The following MTSS1 variants were observed in gnomAD, a reference collection of about 807,000 sequenced individuals.
MTSS1 encodes the protein protein MTSS 1.
MTSS1 carries 18 observed loss-of-function variants against 79.0 expected under a neutral mutation model. The observed-to-expected ratio is 0.23, with a 90% CI of 0.16 to 0.34. The LOEUF (loss-of-function observed/expected upper bound fraction) is 0.34, where lower values mean the gene tolerates loss of function less well. Among genes scored for constraint, MTSS1 ranks in the 10% least tolerant of loss-of-function variants. MTSS1 has a pLI of 1.00. For synonymous variants in MTSS1, 341 were observed against 368.6 expected (o/e 0.93, Z 0.86); for missense variants, 815 against 986.2 (o/e 0.83, Z 2.33).
intron 3 of MTSS1, among the ~76,000 whole-genome samples, chr8:124,680,986 A>G (rs550406425): frequency 6.6e-6 from 1 of 152,228 alleles, no homozygotes; most frequent in Admixed American, 6.5e-5. Context: ...AACCACCTTT[A>G]AGCAAGTTAA....
chr8:124,627,001 C>T (rs540900628), intron 3 of MTSS1, among the ~76,000 whole-genome samples: 9 of 152,262 alleles, frequency 5.9e-5, no homozygotes, highest in Middle Eastern at 3.4e-3. Flanking sequence ...GAACCTGTCA[C>T]GCAACATTGC....
At chr8:124,629,342 G>A (rs540983467) in intron 3 of MTSS1, among the ~76,000 whole-genome samples, 17 of 151,500 alleles carry the variant, frequency 1.1e-4, no homozygotes, top group Admixed American at 9.9e-4. Context: ...GTGAAACCCA[G>A]TCTCTACTAA....
rs565036445 is a variant in MTSS1 at position 124,724,315 on chromosome 8, G to A, written c.72+3569C>T. On this transcript the variant is annotated intron_variant, in intron 1 of 13. Transcript: ENST00000518547. ...ATTTTAGGCAGAACTTAGGAAAGAG[G>A]ATAGTGATGGCAAACACAGGTGGGG... Among the ~76,000 whole-genome samples, 396 of 152,308 alleles carry A rather than the reference G, an allele frequency of 2.6e-3. 1 individual carries two copies. Among genetic ancestry groups the A allele is most frequent in the Non-Finnish European group, 2.6e-3 (179 of 68,026 alleles).
intron 3 of MTSS1, among the ~76,000 whole-genome samples, chr8:124,641,238 T>A (rs1233795675): frequency 6.6e-6 from 1 of 152,146 alleles, no homozygotes; most frequent in East Asian, 1.9e-4. Flanking sequence ...GCAGGCCCAG[T>A]GCAGGCTGGT....
At chr8:124,588,680 GT>G (rs1384437091) in intron 5 of MTSS1, among the ~76,000 whole-genome samples, 1 of 152,176 alleles carries the variant, frequency 6.6e-6, no homozygotes, top group East Asian at 1.9e-4. Flanking sequence ...AAGTATAAAT[GT>G]TTGGCATTTA....
intron 1 of MTSS1, among the ~76,000 whole-genome samples, chr8:124,718,046 A>G (rs1832354872): frequency 6.6e-6 from 1 of 151,842 alleles, no homozygotes; most frequent in African/African-American, 2.4e-5. Flanking sequence ...AAGTGAAGAA[A>G]GAAGTTTCTG....
intron 6 of MTSS1, among the ~76,000 whole-genome samples, chr8:124,584,228 C>T (rs1394748952): frequency 6.6e-6 from 1 of 152,166 alleles, no homozygotes; most frequent in African/African-American, 2.4e-5. Flanking sequence ...GCTGGGGGAT[C>T]CCAACTCGAA....
chr8:124,655,269 T>C (rs1820736004), intron 3 of MTSS1, among the ~76,000 whole-genome samples: 2 of 152,242 alleles, frequency 1.3e-5, no homozygotes, highest in Admixed American at 1.3e-4. Context: ...GCTTTTGTTC[T>C]CAAAGTCATT....
At chr8:124,583,385 G>A (rs1830366908) in intron 6 of MTSS1, among the ~76,000 whole-genome samples, 1 of 152,132 alleles carries the variant, frequency 6.6e-6, no homozygotes, top group Non-Finnish European at 1.5e-5. Flanking sequence ...TATCCTGCAG[G>A]CAGCCCGAGC....
chr8:124,571,350 T>G (rs1020018341), intron 6 of MTSS1, among the ~76,000 whole-genome samples: 3 of 152,212 alleles, frequency 2.0e-5, no homozygotes, highest in African/African-American at 7.2e-5. Flanking sequence ...ACTTAATGTG[T>G]GTATGATACG....
intron 1 of MTSS1, among the ~76,000 whole-genome samples, chr8:124,706,450 C>T (rs762399546): frequency 2.6e-5 from 4 of 152,218 alleles, no homozygotes; most frequent in African/African-American, 7.2e-5. Context: ...ACAATCCACC[C>T]GAACTCTAAA....
intron 3 of MTSS1, among the ~76,000 whole-genome samples, chr8:124,666,935 A>AAGAAGCCAG (rs1424344873): frequency 2.0e-5 from 3 of 152,196 alleles, no homozygotes; most frequent in Non-Finnish European, 4.4e-5. Flanking sequence ...GGGAGAGTTG[A>AAGAAGCCAG]AGAAGCCAGC....
chr8:124,667,559 G>A (rs149582779), intron 3 of MTSS1, among the ~76,000 whole-genome samples: 12,933 of 152,188 alleles, frequency 0.085, 709 homozygotes, highest in East Asian at 0.14. Context: ...CAGGAGAATT[G>A]CTTGAACCCG....
At position 124,563,008 on chromosome 8, in the gene MTSS1, A is replaced by G. The variant is rs2131960515; in HGVS notation, c.825-16T>C. On this transcript the variant is annotated splice_polypyrimidine_tract_variant and intron_variant, in intron 9 of 13. Coordinates refer to ENST00000518547, the MANE Select transcript of MTSS1 (RefSeq NM_014751.6). ...GTTCAGGCTGCTGTGGAGGACAAGC[A>G]GGGGTGAGGGGTGGGCACGGAAGGT... The G allele has an allele frequency of 6.3e-7, 1 of 1,588,044 alleles. No homozygotes were observed. Among genetic ancestry groups the G allele is most frequent in the South Asian group, 1.1e-5 (1 of 87,988 alleles).
chr8:124,700,824 G>A (rs1829597231), intron 2 of MTSS1, among the ~76,000 whole-genome samples: 1 of 152,142 alleles, frequency 6.6e-6, no homozygotes, highest in African/African-American at 2.4e-5. Context: ...GTAACTAAGT[G>A]TTAATTTTCA....
intron 1 of MTSS1, among the ~76,000 whole-genome samples, chr8:124,713,878 G>A (rs1831527272): frequency 6.6e-6 from 1 of 151,862 alleles, no homozygotes. Flanking sequence ...CCCCCAAGTA[G>A]CTGGGACAAC....
intron 3 of MTSS1, among the ~76,000 whole-genome samples, chr8:124,679,436 G>A (rs985327684): frequency 2.0e-5 from 3 of 152,124 alleles, no homozygotes; most frequent in African/African-American, 4.8e-5. Context: ...GTCCCATCTC[G>A]GATCAGTAAA....
rs181325534 is a variant in MTSS1 at position 124,727,025 on chromosome 8, C to G, written c.72+859G>C. 6.8e-4 allele frequency among the ~76,000 whole-genome samples: 104 copies of G among 152,316 alleles called. No individual in the cohort carries two copies. Among genetic ancestry groups the G allele is most frequent in the Admixed American group, 1.2e-3 (18 of 15,300 alleles). ...CACCAGAAAATCCACATCCGAGGATCAGGTTATCCCCAGTCCCACCCTTTG... is the reference window on the plus strand; with the variant it reads ...CACCAGAAAATCCACATCCGAGGATGAGGTTATCCCCAGTCCCACCCTTTG... On this transcript the variant is annotated intron_variant, in intron 1 of 13. Transcript: ENST00000518547. The surrounding 1 kb of genome is among the most constrained non-coding windows in gnomAD (Gnocchi z 4.7).
chr8:124,652,812 A>AC (rs1820234966), intron 3 of MTSS1, among the ~76,000 whole-genome samples: 1 of 151,028 alleles, frequency 6.6e-6, no homozygotes, highest in South Asian at 2.1e-4. Context: ...AAAAAAAAAA[A>AC]ACACAGCCAT....
Sources: allele counts gnomAD v4.1 joint callset (sites outside exome capture counted in the v4.1 genomes callset), GRCh38; gene constraint gnomAD v4.1.1; non-coding constraint Gnocchi (gnomAD v3.1); transcripts MANE v1.5; gene names NCBI Gene and HGNC (gene_info 2026-07-23, HGNC 2026-07-21).